Variants in ARMC9 observed in about 807,000 individuals in gnomAD.
ARMC9 encodes the protein lisH domain-containing protein ARMC9.
A neutral mutation model predicts 107.0 loss-of-function variants in ARMC9; 94 were observed. That is an observed-to-expected ratio of 0.88 (90% CI 0.74 to 1.04). ARMC9 has a LOEUF of 1.04. Ranked by LOEUF, ARMC9 falls within the 50% of genes least tolerant of loss-of-function variation. The pLI is 0.00. For synonymous variants in ARMC9, 380 were observed against 396.9 expected (o/e 0.96, Z 0.51); for missense variants, 942 against 1,030.1 (o/e 0.91, Z 1.17).
chr2:231,301,935 C>T (rs866322824), intron 19 of ARMC9, among the ~76,000 whole-genome samples: 4 of 152,004 alleles, frequency 2.6e-5, no homozygotes, highest in South Asian at 2.1e-4. Context: ...TCCAACATCA[C>T]GCCGCTGCAC....
chr2:231,233,068 C>A (rs951153199), intron 7 of ARMC9, among the ~76,000 whole-genome samples: 1 of 152,066 alleles, frequency 6.6e-6, no homozygotes, highest in African/African-American at 2.4e-5. Context: ...CCAGGCTGGT[C>A]TCGAACTCCT....
chr2:231,232,094 C>T (rs1382817528), intron 7 of ARMC9, among the ~76,000 whole-genome samples: 1 of 142,052 alleles, frequency 7.0e-6, no homozygotes, highest in South Asian at 2.2e-4. Flanking sequence ...GGTGCAATCT[C>T]GGCTCACTAC....
At chr2:231,232,347 A>C (rs2035311441) in intron 7 of ARMC9, among the ~76,000 whole-genome samples, 1 of 151,682 alleles carries the variant, frequency 6.6e-6, no homozygotes, top group Non-Finnish European at 1.5e-5. Flanking sequence ...TCTAAGAGGC[A>C]GAAGGTAGTG....
chr2:231,232,257 C>T (rs1158002074), intron 7 of ARMC9, among the ~76,000 whole-genome samples: 1 of 151,896 alleles, frequency 6.6e-6, no homozygotes, highest in Non-Finnish European at 1.5e-5. Flanking sequence ...ATCTCTTGAC[C>T]TCGTGATCCA....
chr2:231,313,744 G>C (rs540245745), intron 19 of ARMC9, among the ~76,000 whole-genome samples: 96 of 151,700 alleles, frequency 6.3e-4, no homozygotes, highest in Non-Finnish European at 1.1e-3. Context: ...TGTGGCTAGT[G>C]TTTTCATTTT....
chr2:231,342,970 A>G (rs553992002), intron 20 of ARMC9, among the ~76,000 whole-genome samples: 3 of 151,638 alleles, frequency 2.0e-5, no homozygotes, highest in African/African-American at 2.4e-5. Flanking sequence ...CTGGAGTGCA[A>G]TGGTGCCATC....
intron 22 of ARMC9, 57 bp downstream of exon 22, chr2:231,355,991 C>G: frequency 1.3e-6 from 2 of 1,488,616 alleles, no homozygotes; most frequent in Non-Finnish European, 1.8e-6. Context: ...CTAGAACCTA[C>G]GCAAAACAGC....
intron 7 of ARMC9, among the ~76,000 whole-genome samples, chr2:231,232,233 C>T (rs2035300496): frequency 6.6e-6 from 1 of 150,854 alleles, no homozygotes; most frequent in African/African-American, 2.4e-5. Flanking sequence ...ACTATGTTGG[C>T]CAGGGTGGTC....
At chr2:231,204,037 T>C (rs1019837257) in intron 1 of ARMC9, among the ~76,000 whole-genome samples, 10 of 151,564 alleles carry the variant, frequency 6.6e-5, no homozygotes, top group African/African-American at 2.4e-4. Flanking sequence ...ACTTGGGGCA[T>C]AGTGGCACAC....
chr2:231,353,433 C>A (rs1019782064), intron 21 of ARMC9, among the ~76,000 whole-genome samples: 5 of 126,736 alleles, frequency 3.9e-5, no homozygotes, highest in African/African-American at 1.0e-4. Context: ...CCGCCTGTCT[C>A]GGCCTCCCAA....
chr2:231,347,488 T>C (rs2044862048), intron 21 of ARMC9, among the ~76,000 whole-genome samples: 1 of 143,504 alleles, frequency 7.0e-6, no homozygotes, highest in Admixed American at 6.6e-5. Context: ...ACGATGCTGA[T>C]GTGCAAAATT....
intron 7 of ARMC9, among the ~76,000 whole-genome samples, chr2:231,231,871 T>G (rs2035256539): frequency 6.6e-6 from 1 of 151,556 alleles, no homozygotes; most frequent in Non-Finnish European, 1.5e-5. Context: ...GTATGTTTAG[T>G]AGAGACGGGG....
At chr2:231,240,109 T>A in intron 9 of ARMC9, 68 bp downstream of exon 9, 1 of 1,293,768 alleles carries the variant, frequency 7.7e-7, no homozygotes, top group Non-Finnish European at 1.1e-6. Context: ...AATGTAACTT[T>A]AAAAATAGCA....
At chr2:231,339,285 G>A (rs564853975) in intron 20 of ARMC9, among the ~76,000 whole-genome samples, 6 of 151,430 alleles carry the variant, frequency 4.0e-5, no homozygotes, top group Non-Finnish European at 7.4e-5. Flanking sequence ...CCGAGATCGC[G>A]CCATTGCACT....
chr2:231,214,568 T>G (rs1437664694), intron 3 of ARMC9, among the ~76,000 whole-genome samples: 1 of 152,206 alleles, frequency 6.6e-6, no homozygotes, highest in Non-Finnish European at 1.5e-5. Flanking sequence ...CTTTGTTCTG[T>G]GCCTGATTCT....
chr2:231,250,687 G>A (rs1372695930), intron 9 of ARMC9, among the ~76,000 whole-genome samples: 3 of 152,196 alleles, frequency 2.0e-5, no homozygotes, highest in Non-Finnish European at 4.4e-5. Flanking sequence ...CTGCCAGGGA[G>A]AGGAGCTGGT....
intron 16 of ARMC9, 94 bp downstream of exon 16, chr2:231,278,552 G>A: frequency 8.9e-7 from 1 of 1,123,204 alleles, no homozygotes; most frequent in Non-Finnish European, 1.3e-6. Context: ...GCCCAGGATG[G>A]TTGCTGTATT....
chr2:231,199,354 G>A (rs1413651509), intron 1 of ARMC9, among the ~76,000 whole-genome samples: 1 of 152,242 alleles, frequency 6.6e-6, no homozygotes, highest in Admixed American at 6.5e-5. Flanking sequence ...TTCTGGGCAT[G>A]GTGCCTGCCA....
intron 9 of ARMC9, among the ~76,000 whole-genome samples, chr2:231,254,604 AG>A (rs1254271325): frequency 3.3e-5 from 5 of 151,912 alleles, no homozygotes; most frequent in Non-Finnish European, 7.4e-5. Context: ...GGATTGCTTG[AG>A]CCCAGGAGTT....
Sources: allele counts gnomAD v4.1 joint callset (sites outside exome capture counted in the v4.1 genomes callset), GRCh38; gene constraint gnomAD v4.1.1; transcripts MANE v1.5; gene names NCBI Gene and HGNC (gene_info 2026-07-23, HGNC 2026-07-21).